Variants in PROM1 observed in about 807,000 individuals in gnomAD.
The protein encoded by PROM1 is prominin-1.
Under a neutral mutation model 116.9 loss-of-function variants are expected in PROM1, and 105 were observed. That is an observed-to-expected ratio of 0.90 (90% confidence interval 0.77 to 1.06). The LOEUF is 1.06. Ranked by LOEUF, PROM1 falls within the 50% of genes least tolerant of loss-of-function variation. The probability of loss-of-function intolerance (pLI) is 0.00; values close to 1 mark genes in which losing one functional copy is unlikely to be tolerated. For synonymous variants in PROM1, 393 were observed against 387.0 expected, an observed-to-expected ratio of 1.02 and a Z score of -0.18; for missense variants, 1,122 against 1,045.2, an observed-to-expected ratio of 1.07 and a Z score of -1.01.
At chr4:16,047,500 G>A (rs761512024) in intron 2 of PROM1, among the ~76,000 whole-genome samples, 36 of 152,064 alleles carry the variant, frequency 2.4e-4, no homozygotes, top group African/African-American at 7.2e-4. Flanking sequence ...CCACCATGCC[G>A]GGCAGGTACT....
chr4:15,974,807 C>T (rs1378286528), intron 26 of PROM1, among the ~76,000 whole-genome samples: 3 of 152,112 alleles, frequency 2.0e-5, no homozygotes, highest in Non-Finnish European at 2.9e-5. Context: ...CTTCTCTTTG[C>T]ACTGATCATT....
intron 13 of PROM1, among the ~76,000 whole-genome samples, chr4:16,006,083 T>C (rs1381926375): frequency 2.0e-5 from 3 of 152,222 alleles, no homozygotes; most frequent in East Asian, 1.9e-4. Context: ...CTTGGCAGCC[T>C]TAGTTCTAAA....
At chr4:16,058,012 C>G (rs1739432874) in intron 2 of PROM1, among the ~76,000 whole-genome samples, 1 of 152,306 alleles carries the variant, frequency 6.6e-6, no homozygotes, top group African/African-American at 2.4e-5. Flanking sequence ...CCACCTGAAA[C>G]TGTCCAGGCC....
In PROM1 at chr4:16,029,676, T is replaced by A. The variant is rs115583722; in HGVS notation, c.509+3628A>T. On this transcript the variant is annotated intron_variant, in intron 5 of 27. Transcript: ENST00000447510. ...TCCCTTCACCCCCTAAAGAAAAGAT[T>A]TACATTTTTTAAAATAAAAAAGGAT... Among the ~76,000 whole-genome samples, 175 of 152,276 alleles carry A rather than the reference T, an allele frequency of 1.1e-3. 1 individual carries two copies. The highest frequency in any genetic ancestry group is 4.0e-3 in the African/African-American group (165 of 41,560).
intron 5 of PROM1, among the ~76,000 whole-genome samples, chr4:16,029,318 A>T (rs956920823): frequency 6.6e-6 from 1 of 152,272 alleles, no homozygotes; most frequent in Non-Finnish European, 1.5e-5. Context: ...CTGGCTTATC[A>T]TACTCAGAAA....
intron 9 of PROM1, among the ~76,000 whole-genome samples, chr4:16,017,936 T>TA (rs1267785020): frequency 3.9e-5 from 6 of 152,264 alleles, no homozygotes; most frequent in African/African-American, 7.2e-5. Flanking sequence ...AAATTCTTTT[T>TA]AAAAAATCTT....
chr4:15,998,112 T>C (rs1252603696), intron 15 of PROM1, among the ~76,000 whole-genome samples: 1 of 152,226 alleles, frequency 6.6e-6, no homozygotes, highest in Non-Finnish European at 1.5e-5. Context: ...GGGGTCCCAT[T>C]AGTGCATCGT....
intron 22 of PROM1, among the ~76,000 whole-genome samples, chr4:15,984,639 T>A (rs1208984203): frequency 6.6e-6 from 1 of 152,108 alleles, no homozygotes; most frequent in African/African-American, 2.4e-5. Flanking sequence ...GAGCTCCACC[T>A]CCTGTCAGAG....
intron 26 of PROM1, among the ~76,000 whole-genome samples, chr4:15,977,104 CCATGGCTCCT>C (rs1290954346): frequency 6.6e-6 from 1 of 152,180 alleles, no homozygotes; most frequent in African/African-American, 2.4e-5. Flanking sequence ...TTTTTCACAA[CCATGGCTCCT>C]CATAAACATC....
intron 2 of PROM1, among the ~76,000 whole-genome samples, chr4:16,053,049 A>G (rs536636500): frequency 1.3e-5 from 2 of 152,364 alleles, no homozygotes; most frequent in East Asian, 3.8e-4. Context: ...AGAAATGTAA[A>G]TATCAACTGT....
chr4:16,031,769 A>G (rs1160659701), intron 5 of PROM1, among the ~76,000 whole-genome samples: 1 of 152,194 alleles, frequency 6.6e-6, no homozygotes, highest in Non-Finnish European at 1.5e-5. Context: ...GAAGTCAGCT[A>G]ACACATTCAC....
intron 2 of PROM1, among the ~76,000 whole-genome samples, chr4:16,069,047 C>T (rs983166482): frequency 5.9e-5 from 9 of 152,168 alleles, no homozygotes; most frequent in Admixed American, 3.9e-4. Flanking sequence ...CCAGCCTAGC[C>T]AACATGGCAA....
chr4:16,055,195 T>G (rs897970650), intron 2 of PROM1: 17 of 308,158 alleles, frequency 5.5e-5, no homozygotes, highest in African/African-American at 3.7e-4. Context: ...GGCAAGACTA[T>G]TTTCCTTGGA....
Position 16,024,318 on chromosome 4 carries a change from T to C in PROM1, c.671A>G (p.Asp224Gly), listed in dbSNP as rs752888928. 3 of 1,613,726 alleles carry C rather than the reference T, an allele frequency of 1.9e-6. No individual in the cohort carries two copies. In the East Asian group the frequency reaches 6.7e-5, roughly 36 times the overall value. Residue 224 changes from aspartate (D) to glycine (G), a missense_variant, in exon 7 of 28, where the codon GAC becomes GGC. Transcript: ENST00000447510. Reference protein sequence around the residue: ...YILAQYNTTKDKAFTDLNSIN... With the variant: ...YILAQYNTTKGKAFTDLNSIN... Reference sequence around the variant, plus strand: ...ACTGTTCAGATCTGTGAACGCCTTGTCCTTGGTAGTGTTGTACTGGGCCAA... The same window carrying C: ...ACTGTTCAGATCTGTGAACGCCTTGCCCTTGGTAGTGTTGTACTGGGCCAA...
At chr4:16,001,792 G>C (rs1723925180) in intron 13 of PROM1, among the ~76,000 whole-genome samples, 1 of 152,142 alleles carries the variant, frequency 6.6e-6, no homozygotes, top group African/African-American at 2.4e-5. Flanking sequence ...GGGAAGGAGA[G>C]CTATAGGGAA....
At chr4:16,034,544 A>T (rs1395911024) in intron 4 of PROM1, among the ~76,000 whole-genome samples, 2 of 152,200 alleles carry the variant, frequency 1.3e-5, no homozygotes, top group Non-Finnish European at 2.9e-5. Flanking sequence ...AGATACAATC[A>T]TGTGACCTAA....
At chr4:16,034,323 T>C (rs1733505016) in intron 4 of PROM1, among the ~76,000 whole-genome samples, 1 of 152,148 alleles carries the variant, frequency 6.6e-6, no homozygotes, top group Non-Finnish European at 1.5e-5. Context: ...TCTGATACAC[T>C]GGAAATAATA....
At chr4:16,046,580 G>A (rs1736595757) in intron 2 of PROM1, among the ~76,000 whole-genome samples, 1 of 152,186 alleles carries the variant, frequency 6.6e-6, no homozygotes, top group South Asian at 2.1e-4. Flanking sequence ...ATCAGCGTAG[G>A]AGATATAATC....
intron 20 of PROM1, 59 bp downstream of exon 20, chr4:15,987,603 CA>C (rs1719782929): frequency 4.0e-6 from 6 of 1,500,838 alleles, no homozygotes; most frequent in Admixed American, 1.9e-5. Flanking sequence ...ACATTTCTAG[CA>C]TTCTTTGTGT....
Sources: gnomAD v4.1 joint callset for allele counts (sites outside exome capture counted in the v4.1 genomes callset) on GRCh38, gnomAD v4.1.1 for gene constraint, MANE v1.5 for transcripts, NCBI Gene and HGNC (gene_info 2026-07-23, HGNC 2026-07-21) for gene names.